The following CCDC50 variants were observed in gnomAD, a reference collection of about 807,000 sequenced individuals.
CCDC50 encodes the protein coiled-coil domain-containing protein 50.
A neutral mutation model predicts 70.2 loss-of-function variants in CCDC50; 54 were observed. The ratio of observed to expected loss-of-function variants is 0.77; its 90% CI spans 0.62 to 0.96. CCDC50 has a LOEUF of 0.96. CCDC50 is among the 50% of genes least tolerant of loss of function. The pLI, the probability that CCDC50 is intolerant of heterozygous loss-of-function variation, is 0.00. For synonymous variants in CCDC50, 216 were observed against 198.8 expected, an observed-to-expected ratio of 1.09 and a Z score of -0.73; for missense variants, 558 against 578.7, an observed-to-expected ratio of 0.96 and a Z score of 0.37.
intron 8 of CCDC50, 40 bp downstream of exon 8, chr3:191,380,771 C>T: frequency 6.2e-7 from 1 of 1,610,758 alleles, no homozygotes; most frequent in Non-Finnish European, 8.5e-7. Context: ...TGGAAATATC[C>T]TAGTATATTT....
At chr3:191,386,128 A>C (rs1473757687) in intron 10 of CCDC50, among the ~76,000 whole-genome samples, 2 of 151,748 alleles carry the variant, frequency 1.3e-5, no homozygotes, top group Non-Finnish European at 2.9e-5. Context: ...CATGTGAATT[A>C]AATAGTTTCT....
chr3:191,379,833 G>A (rs1012792523), intron 6 of CCDC50, among the ~76,000 whole-genome samples: 1 of 152,066 alleles, frequency 6.6e-6, no homozygotes, highest in African/African-American at 2.4e-5. Context: ...TGTTTTCAAT[G>A]ACTTTTTTTT....
At chr3:191,373,732 A>G (rs1158713645) in intron 5 of CCDC50, among the ~76,000 whole-genome samples, 1 of 152,272 alleles carries the variant, frequency 6.6e-6, no homozygotes, top group Non-Finnish European at 1.5e-5. Flanking sequence ...AAACTTACCC[A>G]TAAATGATGA....
intron 10 of CCDC50, among the ~76,000 whole-genome samples, chr3:191,386,256 ACT>A (rs1713493458): frequency 7.8e-6 from 1 of 127,838 alleles, no homozygotes; most frequent in Non-Finnish European, 1.5e-5. Context: ...ACGGAGTCTC[ACT>A]CTGCCACCCA....
chr3:191,364,617 A>G (rs1432002543), intron 4 of CCDC50, among the ~76,000 whole-genome samples: 1 of 151,668 alleles, frequency 6.6e-6, no homozygotes, highest in Non-Finnish European at 1.5e-5. Flanking sequence ...TTTCTGAACA[A>G]CATTGTGTGT....
At chr3:191,360,806 C>T (rs1214479803) in intron 3 of CCDC50, among the ~76,000 whole-genome samples, 4 of 152,010 alleles carry the variant, frequency 2.6e-5, no homozygotes, top group Admixed American at 2.6e-4. Flanking sequence ...TGGAGTTTTC[C>T]ATTGTTGGGT....
At chr3:191,374,693 C>A (rs1560167757) in intron 5 of CCDC50, among the ~76,000 whole-genome samples, 1 of 152,138 alleles carries the variant, frequency 6.6e-6, no homozygotes, top group African/African-American at 2.4e-5. Context: ...ATTCCTCAAC[C>A]TCTACTTTTT....
At position 191,381,179 on chromosome 3, in the gene CCDC50, G is replaced by A. The variant is rs1713305495; in HGVS notation, c.1242+247G>A. ...TGTTCCCTTTAAGACGGAGTGAAAT[G>A]CAAGTGCTTCTGGTCATGAACAGTC... is the stretch of plus-strand genomic sequence containing the variant. On this transcript the variant is annotated intron_variant, in intron 9 of 11. Coordinates refer to ENST00000392455, the MANE Select transcript of CCDC50 (RefSeq NM_178335.3). Among the ~76,000 whole-genome samples, 5 of 152,126 alleles carry A rather than the reference G, an allele frequency of 3.3e-5. No individual in the cohort carries two copies. In the South Asian group the frequency reaches 1.0e-3, roughly 31 times the overall value.
intron 1 of CCDC50, among the ~76,000 whole-genome samples, chr3:191,336,615 T>G (rs2108630875): frequency 6.6e-6 from 1 of 152,302 alleles, no homozygotes; most frequent in Non-Finnish European, 1.5e-5. Flanking sequence ...AAACCTTAGT[T>G]CAATATCAGA....
rs1335462971 is a variant in CCDC50 at position 191,392,377 on chromosome 3, C to T, written c.*617C>T. 1.3e-5 allele frequency: 2 copies of T among 152,284 alleles called. No homozygotes were observed. The highest frequency in any genetic ancestry group is 6.5e-5 in the Admixed American group (1 of 15,280). 9.4% of individuals were successfully genotyped at this position (152,284 alleles called of 1,614,324 possible). ...ATAGCATTCTTTAACACTTCCTCTG[C>T]TTTTGCCTCAGTAGCAAGGCTTTCC... On this transcript the variant is annotated 3_prime_UTR_variant, in exon 12 of 12. Transcript: ENST00000392455.
chr3:191,378,074 C>T (rs1358645976), intron 6 of CCDC50, among the ~76,000 whole-genome samples: 3 of 152,128 alleles, frequency 2.0e-5, no homozygotes, highest in Non-Finnish European at 4.4e-5. Flanking sequence ...GAGGACACTG[C>T]AGAGAATGGG....
Position 191,397,427 on chromosome 3 carries a change from C to A in CCDC50, c.*5667C>A, listed in dbSNP as rs910220222. On this transcript the variant is annotated 3_prime_UTR_variant, in exon 12 of 12. Coordinates refer to ENST00000392455, the MANE Select transcript of CCDC50 (RefSeq NM_178335.3). The stretch of plus-strand genomic sequence containing the variant: ...AAAGAGCTATATTTTTCTCTTCTTA[C>A]AGGCAACCCAATATTTATTTCATAA... 2 of 152,154 alleles carry A rather than the reference C, an allele frequency of 1.3e-5. No individual in the cohort carries two copies. The highest frequency in any genetic ancestry group is 1.3e-4 in the Admixed American group (2 of 15,272). The allele number at this position is 152,154 out of a possible 1,614,324, so 9.4% of individuals were successfully genotyped here. A position where few individuals can be genotyped will look rare whatever the true frequency, so the allele number is the denominator to read the frequency against.
Position 191,342,637 on chromosome 3 carries a change from G to A in CCDC50, c.49+12914G>A, listed in dbSNP as rs910029199. Among the ~76,000 whole-genome samples, 8 of 152,264 alleles carry A rather than the reference G, an allele frequency of 5.3e-5. No homozygotes were observed. In the East Asian group the frequency reaches 1.4e-3, roughly 26 times the overall value. On this transcript the variant is annotated intron_variant, in intron 1 of 11. Transcript: ENST00000392455. The stretch of plus-strand genomic sequence containing the variant: ...CTACAGAGGTTTAAGGAGATGGGTG[G>A]CTTTTCTTTCTAGGCTAAGGCAAAC...
intron 1 of CCDC50, among the ~76,000 whole-genome samples, chr3:191,343,784 C>A (rs1026690153): frequency 6.6e-6 from 1 of 152,138 alleles, no homozygotes; most frequent in African/African-American, 2.4e-5. Context: ...TCAGTAAGTG[C>A]TTGGTAAAGT....
chr3:191,359,403 A>G (rs949655573), intron 3 of CCDC50, among the ~76,000 whole-genome samples: 2 of 152,198 alleles, frequency 1.3e-5, no homozygotes, highest in South Asian at 4.1e-4. Flanking sequence ...TGAGGCCAGG[A>G]AAGTAGTCAA....
At chr3:191,330,604 C>T (rs1186029162) in intron 1 of CCDC50, 1 of 152,176 alleles carries the variant, frequency 6.6e-6, no homozygotes, top group Non-Finnish European at 1.5e-5. Context: ...CCCCTAAGTT[C>T]CAAGGGCTTT....
At chr3:191,373,853 T>C (rs190711786) in intron 5 of CCDC50, among the ~76,000 whole-genome samples, 40 of 152,294 alleles carry the variant, frequency 2.6e-4, no homozygotes, top group Non-Finnish European at 1.5e-4. Context: ...TTTGAGGTTT[T>C]TAATGGAAAC....
rs1713245359 is a variant in CCDC50, at chr3:191,379,745, CT to C, written c.977-413del. On this transcript the variant is annotated intron_variant, in intron 6 of 11. Coordinates refer to ENST00000392455, the MANE Select transcript of CCDC50 (RefSeq NM_178335.3). ...CAGGCTGAGATAAATAGAAAGAAGC[CT>C]CTACTCTCCTCCAGCCTTGACAGCT... Among the ~76,000 whole-genome samples, 36 of 152,188 alleles carry C rather than the reference CT, an allele frequency of 2.4e-4. No individual in the cohort carries two copies. The South Asian group carries it at 7.5e-3, about 32-fold the overall frequency.
At chr3:191,340,887 G>T (rs139082025) in intron 1 of CCDC50, among the ~76,000 whole-genome samples, 2 of 152,130 alleles carry the variant, frequency 1.3e-5, no homozygotes, top group Admixed American at 6.5e-5. Flanking sequence ...CCAGGCTGGC[G>T]TGCAGTGGTG....
Sources: gnomAD v4.1 joint callset for allele counts (sites outside exome capture counted in the v4.1 genomes callset) on GRCh38, gnomAD v4.1.1 for gene constraint, MANE v1.5 for transcripts, NCBI Gene and HGNC (gene_info 2026-07-23, HGNC 2026-07-21) for gene names.